Variants in ANKS1B observed in about 807,000 individuals in gnomAD.
The protein encoded by ANKS1B is ankyrin repeat and sterile alpha motif domain containing 1B.
Under a neutral mutation model 148.3 loss-of-function variants are expected in ANKS1B, and 36 were observed. The observed-to-expected ratio is 0.24, with a 90% CI of 0.19 to 0.32. ANKS1B has a LOEUF of 0.32. ANKS1B is among the 10% of genes least tolerant of loss of function. The probability of loss-of-function intolerance (pLI) is 1.00; values close to 1 mark genes in which losing one functional copy is unlikely to be tolerated. For synonymous variants in ANKS1B, 542 were observed against 560.8 expected, an observed-to-expected ratio of 0.97 and a Z score of 0.47; for missense variants, 1,157 against 1,542.6, an observed-to-expected ratio of 0.75 and a Z score of 4.19.
intron 8 of ANKS1B, among the ~76,000 whole-genome samples, chr12:99,663,609 A>C (rs570421505): frequency 6.6e-6 from 1 of 152,208 alleles, no homozygotes; most frequent in Non-Finnish European, 1.5e-5. Flanking sequence ...AGGAAGAAGA[A>C]AAACAAGTCT....
At chr12:98,806,849 C>G (rs1180598356) in intron 20 of ANKS1B, among the ~76,000 whole-genome samples, 1 of 152,144 alleles carries the variant, frequency 6.6e-6, no homozygotes, top group East Asian at 1.9e-4. Context: ...ATTTATGAGT[C>G]CAAGAGGAAC....
At chr12:99,975,414 T>C (rs912524935) in intron 1 of ANKS1B, among the ~76,000 whole-genome samples, 9 of 152,222 alleles carry the variant, frequency 5.9e-5, no homozygotes, top group African/African-American at 1.9e-4. Context: ...ACTGGGTCCA[T>C]GACGTTAGAG....
intron 12 of ANKS1B, among the ~76,000 whole-genome samples, chr12:99,266,602 G>A (rs770871591): frequency 9.2e-5 from 14 of 152,160 alleles, no homozygotes; most frequent in Non-Finnish European, 1.9e-4. Context: ...CATGGGCAGA[G>A]TAAAGAGTAT....
intron 15 of ANKS1B, among the ~76,000 whole-genome samples, chr12:99,136,635 G>A (rs2068161116): frequency 6.6e-6 from 1 of 152,130 alleles, no homozygotes; most frequent in Non-Finnish European, 1.5e-5. Context: ...AATATCTAAA[G>A]TTGATAAAGC....
chr12:99,146,340 A>C (rs973146229), intron 15 of ANKS1B, among the ~76,000 whole-genome samples: 2 of 152,164 alleles, frequency 1.3e-5, no homozygotes. Context: ...CCGTGGGTGC[A>C]CAGAGGAGGG....
intron 12 of ANKS1B, among the ~76,000 whole-genome samples, chr12:99,257,559 G>A (rs1448083943): frequency 6.6e-6 from 1 of 151,736 alleles, no homozygotes; most frequent in South Asian, 2.1e-4. Context: ...TAATGATAAG[G>A]CATATTATTT....
chr12:98,842,142 T>G (rs2099410323), intron 17 of ANKS1B, among the ~76,000 whole-genome samples: 1 of 152,246 alleles, frequency 6.6e-6, no homozygotes, highest in Non-Finnish European at 1.5e-5. Context: ...GCAACATTAT[T>G]CATAATAGCT....
At chr12:99,659,500 GC>G (rs2098465619) in intron 8 of ANKS1B, among the ~76,000 whole-genome samples, 1 of 152,080 alleles carries the variant, frequency 6.6e-6, no homozygotes, top group South Asian at 2.1e-4. Context: ...CTATGTTGTT[GC>G]AAATTGAAAA....
intron 24 of ANKS1B, among the ~76,000 whole-genome samples, chr12:98,773,836 C>G (rs530230705): frequency 6.6e-6 from 1 of 152,214 alleles, no homozygotes; most frequent in African/African-American, 2.4e-5. Context: ...TGCAGCACTG[C>G]TTTCTGCTAA....
At position 99,963,513 on chromosome 12, in the gene ANKS1B, G is replaced by A. The variant is rs558640893; in HGVS notation, c.134+20591C>T. 3.3e-5 allele frequency among the ~76,000 whole-genome samples: 5 copies of A among 152,288 alleles called. No individual in the cohort carries two copies. The South Asian group carries it at 1.0e-3, about 32-fold the overall frequency. Reference sequence around the variant, plus strand: ...TTTCTTAAATGTGGCATGCAAAGCTGAATGATCTTTTAAAGTACAGAATAT... The same window carrying A: ...TTTCTTAAATGTGGCATGCAAAGCTAAATGATCTTTTAAAGTACAGAATAT... On this transcript the variant is annotated intron_variant, in intron 1 of 26. Coordinates refer to ENST00000683438, the MANE Select transcript of ANKS1B (RefSeq NM_001352186.2).
intron 11 of ANKS1B, among the ~76,000 whole-genome samples, chr12:99,401,039 C>A (rs953066669): frequency 7.1e-6 from 1 of 140,934 alleles, no homozygotes; most frequent in Admixed American, 6.9e-5. Flanking sequence ...ATGATTTATT[C>A]TTTCACCAAT....
At chr12:99,661,981 T>C (rs2098479745) in intron 8 of ANKS1B, among the ~76,000 whole-genome samples, 1 of 152,164 alleles carries the variant, frequency 6.6e-6, no homozygotes, top group Non-Finnish European at 1.5e-5. Context: ...TCCTTGGAAC[T>C]AGAGGACCTG....
At position 99,063,109 on chromosome 12, in the gene ANKS1B, G is replaced by A. The variant is rs17029030; in HGVS notation, c.2626-9800C>T. 6.8e-3 allele frequency among the ~76,000 whole-genome samples: 1,031 copies of A among 152,208 alleles called. 16 individuals are homozygous for A. Among genetic ancestry groups the A allele is most frequent in the African/African-American group, 0.024 (985 of 41,538 alleles). ...TCATTTACATAGACCCACCAGTGCC[G>A]ATATCCCTGATGTGCCAGGCTCAGC... On this transcript the variant is annotated intron_variant, in intron 16 of 26. Coordinates refer to ENST00000683438, the MANE Select transcript of ANKS1B (RefSeq NM_001352186.2).
At chr12:98,926,307 G>A (rs1033718251) in intron 17 of ANKS1B, among the ~76,000 whole-genome samples, 1 of 152,184 alleles carries the variant, frequency 6.6e-6, no homozygotes, top group African/African-American at 2.4e-5. Context: ...ACAGACTTCT[G>A]TGGATGCAGT....
rs973313935 is a variant in ANKS1B, at chr12:99,327,594, C to T, written c.1756+72037G>A. On this transcript the variant is annotated intron_variant, in intron 12 of 26. Transcript: ENST00000683438. ...AGGACATATCCCCATTATTAAGCAA[C>T]GCATGACTCTGTGTGTTAGGGAGGT... 3.0e-4 allele frequency among the ~76,000 whole-genome samples: 45 copies of T among 147,882 alleles called. 1 individual carries two copies. The highest frequency in any genetic ancestry group is 8.7e-4 in the African/African-American group (35 of 40,438).
chr12:99,442,708 A>G (rs758791118), intron 11 of ANKS1B, among the ~76,000 whole-genome samples: 4 of 151,992 alleles, frequency 2.6e-5, no homozygotes, highest in Non-Finnish European at 5.9e-5. Flanking sequence ...GATGAAGATT[A>G]TAATAAAAAT....
intron 8 of ANKS1B, among the ~76,000 whole-genome samples, chr12:99,692,744 T>C (rs1203211084): frequency 6.6e-6 from 1 of 151,440 alleles, no homozygotes; most frequent in African/African-American, 2.4e-5. Context: ...CGAACTAAGC[T>C]GATGGTGGGT....
chr12:99,869,541 C>A (rs1410848967), intron 1 of ANKS1B, among the ~76,000 whole-genome samples: 1 of 151,898 alleles, frequency 6.6e-6, no homozygotes, highest in African/African-American at 2.4e-5. Context: ...ATTAGCCAGG[C>A]GTGCTGGAGC....
At chr12:99,596,989 A>C (rs2097763458) in intron 9 of ANKS1B, among the ~76,000 whole-genome samples, 1 of 151,958 alleles carries the variant, frequency 6.6e-6, no homozygotes, top group African/African-American at 2.4e-5. Context: ...TTTATGTTTT[A>C]CTTTTTAAGA....
Sources: gnomAD v4.1 joint callset for allele counts (sites outside exome capture counted in the v4.1 genomes callset) on GRCh38, gnomAD v4.1.1 for gene constraint, MANE v1.5 for transcripts, NCBI Gene and HGNC (gene_info 2026-07-23, HGNC 2026-07-21) for gene names.